Variants in TMEM238L observed in about 807,000 individuals in gnomAD.
TMEM238L encodes transmembrane protein 238 like.
At chr17:10,800,933 C>T (rs1182123726) in intron 1 of TMEM238L, among the ~76,000 whole-genome samples, 2 of 152,104 alleles carry the variant, frequency 1.3e-5, no homozygotes, top group African/African-American at 2.4e-5. Flanking sequence ...GGGTTTCAGC[C>T]GGTAATAATC....
chr17:10,799,255 T>C (rs1012538848), intron 1 of TMEM238L, among the ~76,000 whole-genome samples: 1 of 152,368 alleles, frequency 6.6e-6, no homozygotes, highest in East Asian at 1.9e-4. Flanking sequence ...TGGAGTGCAG[T>C]GGCACGATCT....
At chr17:10,797,235 G>T (rs1056563277) in intron 1 of TMEM238L, among the ~76,000 whole-genome samples, 2 of 152,118 alleles carry the variant, frequency 1.3e-5, no homozygotes, top group Non-Finnish European at 2.9e-5. Flanking sequence ...GAATAATAAT[G>T]ATTATGATGA....
intron 1 of TMEM238L, among the ~76,000 whole-genome samples, chr17:10,802,669 C>T (rs1295592578): frequency 6.6e-6 from 1 of 152,158 alleles, no homozygotes; most frequent in Non-Finnish European, 1.5e-5. Flanking sequence ...GAGTAAGAAA[C>T]GGGAGTGCCT....
chr17:10,797,527 G>C (rs999500067), intron 1 of TMEM238L, among the ~76,000 whole-genome samples: 2 of 151,590 alleles, frequency 1.3e-5, no homozygotes, highest in Admixed American at 1.3e-4. Flanking sequence ...TCTTTCTTCT[G>C]AGTTTAAAAT....
intron 1 of TMEM238L, among the ~76,000 whole-genome samples, chr17:10,799,105 T>C (rs1435751476): frequency 2.0e-5 from 3 of 152,222 alleles, no homozygotes; most frequent in East Asian, 1.9e-4. Context: ...AGAAGGCTTG[T>C]GGGGCAGCCA....
chr17:10,800,957 C>T (rs1197896385), intron 1 of TMEM238L, among the ~76,000 whole-genome samples: 2 of 152,174 alleles, frequency 1.3e-5, no homozygotes, highest in Non-Finnish European at 2.9e-5. Context: ...ACCATAATAA[C>T]CTATACTGTG....
chr17:10,795,880 A>C (rs575782935), exon 2 of TMEM238L: 1 of 152,322 alleles, frequency 6.6e-6, no homozygotes, highest in African/African-American at 2.4e-5. Flanking sequence ...TTCCTCCTGG[A>C]TGCTGTTAAA....
rs183403963 is a variant in TMEM238L at position 10,796,410 on chromosome 17, G to A, written c.*119-462C>T. Among the ~76,000 whole-genome samples the A allele has an allele frequency of 1.1e-4, 16 of 152,168 alleles. No homozygotes were observed. The South Asian group carries it at 1.9e-3, about 18-fold the overall frequency. On this transcript the variant is annotated intron_variant, in intron 1 of 1. Transcript: ENST00000581851. ...GCTGACTTTCTCTCCTCCACTTACC[G>A]TCTTGCTCAATGTTCTATATCCCTT... is the stretch of plus-strand genomic sequence containing the variant.
chr17:10,803,880 G>T, exon 1 of TMEM238L: 1 of 399,770 alleles, frequency 2.5e-6, no homozygotes, highest in Non-Finnish European at 4.4e-6. Flanking sequence ...GGACCAGGCC[G>T]ACCGCGTCCA....
exon 2 of TMEM238L, chr17:10,795,377 G>C (rs1238897757): frequency 6.6e-6 from 1 of 152,234 alleles, no homozygotes; most frequent in Non-Finnish European, 1.5e-5. Flanking sequence ...GAGGAGGAGA[G>C]AGTCCTCCCG....
intron 1 of TMEM238L, among the ~76,000 whole-genome samples, chr17:10,797,211 T>C (rs1904578979): frequency 2.0e-5 from 3 of 146,536 alleles, no homozygotes; most frequent in African/African-American, 7.9e-5. Flanking sequence ...ATTATCGTTA[T>C]CTGTAATAGA....
At chr17:10,799,886 C>G (rs1327928534) in intron 1 of TMEM238L, among the ~76,000 whole-genome samples, 1 of 151,960 alleles carries the variant, frequency 6.6e-6, no homozygotes, top group African/African-American at 2.4e-5. Context: ...AATTCCCTTC[C>G]AGGGACATTG....
chr17:10,802,735 T>G (rs1459980559), intron 1 of TMEM238L, among the ~76,000 whole-genome samples: 1 of 152,224 alleles, frequency 6.6e-6, no homozygotes, highest in African/African-American at 2.4e-5. Flanking sequence ...GGCTGCCCAA[T>G]GGACCGTGGC....
At chr17:10,800,211 C>T (rs1567609745) in intron 1 of TMEM238L, among the ~76,000 whole-genome samples, 2 of 152,048 alleles carry the variant, frequency 1.3e-5, no homozygotes, top group South Asian at 2.1e-4. Context: ...GGATTACAGG[C>T]GTGAGCCACC....
At chr17:10,804,048 C>A in exon 1 of TMEM238L, 1 of 402,828 alleles carries the variant, frequency 2.5e-6, no homozygotes, top group Non-Finnish European at 4.4e-6. Context: ...CTGCTGCCTT[C>A]TCTGCCTGCT....
exon 1 of TMEM238L, chr17:10,803,640 A>C (rs1047141162): frequency 7.5e-6 from 3 of 398,038 alleles, no homozygotes; most frequent in Non-Finnish European, 1.3e-5. Flanking sequence ...TGGAAGCTGC[A>C]ACGTGTTGCT....
At chr17:10,797,873 A>G (rs1904610574) in intron 1 of TMEM238L, 1 of 152,054 alleles carries the variant, frequency 6.6e-6, no homozygotes, top group Admixed American at 6.6e-5. Flanking sequence ...CATTCTGCAC[A>G]CGATGCTCAG....
intron 1 of TMEM238L, among the ~76,000 whole-genome samples, chr17:10,803,351 G>A (rs1416314604): frequency 6.6e-6 from 1 of 152,154 alleles, no homozygotes; most frequent in South Asian, 2.1e-4. Context: ...GATCATTCGT[G>A]GTATATCAGG....
At chr17:10,796,549 A>G (rs558333342) in intron 1 of TMEM238L, among the ~76,000 whole-genome samples, 2 of 152,312 alleles carry the variant, frequency 1.3e-5, no homozygotes, top group South Asian at 4.1e-4. Context: ...ACCCATCTTC[A>G]GCCACCCGAT....
Sources: gnomAD v4.1 joint callset for allele counts (sites outside exome capture counted in the v4.1 genomes callset) on GRCh38, gnomAD v4.1.1 for gene constraint, MANE v1.5 for transcripts, NCBI Gene and HGNC (gene_info 2026-07-23, HGNC 2026-07-21) for gene names.